PARP10: variants seen among roughly 807,000 people sequenced by gnomAD.
PARP10 encodes protein mono-ADP-ribosyltransferase PARP10.
PARP10 carries 56 observed loss-of-function variants against 82.4 expected under a neutral mutation model. The observed-to-expected ratio is 0.68, with a 90% confidence interval of 0.55 to 0.85. The LOEUF (loss-of-function observed/expected upper bound fraction) is 0.85, where lower values mean the gene tolerates loss of function less well. PARP10 is among the 40% of genes least tolerant of loss of function. The probability of loss-of-function intolerance (pLI) is 0.00; values close to 1 mark genes in which losing one functional copy is unlikely to be tolerated. For missense variants in PARP10, 1,227 were observed against 1,379.4 expected (o/e 0.89, Z 1.75); for synonymous variants, 576 against 601.1 (o/e 0.96, Z 0.61).
chr8:144,007,825 G>T (rs1554752181), intron 1 of PARP10, among the ~76,000 whole-genome samples: 1 of 152,234 alleles, frequency 6.6e-6, no homozygotes, highest in African/African-American at 2.4e-5. Flanking sequence ...CAGGGCCCAT[G>T]GGAGAGCCCA....
Position 143,977,467 on chromosome 8 carries a change from G to T in PARP10, c.*17C>A. The T allele has an allele frequency of 6.6e-7, 1 of 1,524,486 alleles. No homozygotes were observed. The highest frequency in any genetic ancestry group is 8.8e-7 in the Non-Finnish European group (1 of 1,132,064). The allele number at this position is 1,524,486 out of a possible 1,614,324, so 94.4% of individuals were successfully genotyped here. A position where few individuals can be genotyped will look rare whatever the true frequency, so the allele number is the denominator to read the frequency against. On this transcript the variant is annotated 3_prime_UTR_variant, in exon 11 of 11. Coordinates refer to ENST00000313028, the MANE Select transcript of PARP10 (RefSeq NM_032789.5). ...TGGGAGCCTGGGAAGCAGGAGGCCA[G>T]AGGGTGGCCCCTTCGGTTAAGTGTC...
intron 1 of PARP10, among the ~76,000 whole-genome samples, chr8:144,009,297 A>C (rs1834256242): frequency 6.6e-6 from 1 of 152,120 alleles, no homozygotes; most frequent in Non-Finnish European, 1.5e-5. Flanking sequence ...AAGCTGACGC[A>C]CACTTTTTCG....
At chr8:143,991,867 T>C (rs899545636), upstream of PARP10, 1 of 1,610,646 alleles carries the variant, frequency 6.2e-7, no homozygotes, top group Non-Finnish European at 8.5e-7. Flanking sequence ...TCTGAGCGGC[T>C]CCTTCCCCAG....
upstream of PARP10, among the ~76,000 whole-genome samples, chr8:143,996,120 G>T (rs1834163342): frequency 6.6e-6 from 1 of 152,210 alleles, no homozygotes; most frequent in Admixed American, 6.5e-5. Context: ...GCCCCAGGGT[G>T]TGGACGCTCC....
rs1834249956 is a variant in PARP10, at chr8:144,008,522, G to A, written c.-80+4008C>T. ...CAAAAGCAAGTGGGACAACACTGGA[G>A]GTTTGTTCACAGTGAGCCCCTAACG... On this transcript the variant is annotated intron_variant, in intron 1 of 3. Transcript: ENST00000530478. This position sits in a 1 kb window ranked among gnomAD's most constrained non-coding sequence, Gnocchi z 4.0. 1.3e-5 allele frequency among the ~76,000 whole-genome samples: 2 copies of A among 152,216 alleles called. No individual in the cohort carries two copies. The highest frequency in any genetic ancestry group is 6.5e-5 in the Admixed American group (1 of 15,286).
At chr8:143,979,050 G>C (rs1284948930) in intron 9 of PARP10, among the ~76,000 whole-genome samples, 3 of 150,954 alleles carry the variant, frequency 2.0e-5, no homozygotes, top group Non-Finnish European at 2.9e-5. Context: ...TCGGCTCACT[G>C]CAAGCTCCGC....
At chr8:143,992,511 T>C, upstream of PARP10, 2 of 1,614,116 alleles carry the variant, frequency 1.2e-6, no homozygotes, top group East Asian at 2.2e-5. Context: ...CTGGTGAGCA[T>C]GGTGGTGCTC....
chr8:143,998,960 AAAG>A (rs1196660809), intron 1 of PARP10, among the ~76,000 whole-genome samples: 1 of 151,640 alleles, frequency 6.6e-6, no homozygotes, highest in East Asian at 1.9e-4. Context: ...AAAAAAAAAA[AAAG>A]AATCAAATCA....
chr8:144,001,854 C>A (rs1834205281), intron 1 of PARP10, among the ~76,000 whole-genome samples: 1 of 148,636 alleles, frequency 6.7e-6, no homozygotes, highest in African/African-American at 2.6e-5. Context: ...ACAGCAAGAT[C>A]CATCTTTAAA....
intron 1 of PARP10, among the ~76,000 whole-genome samples, chr8:143,997,396 C>T (rs1554751375): frequency 6.6e-6 from 1 of 152,140 alleles, no homozygotes; most frequent in East Asian, 1.9e-4. Flanking sequence ...TCCACAGCTT[C>T]GTGGGAGGAC....
At chr8:144,009,141 G>A (rs1051146465) in intron 1 of PARP10, among the ~76,000 whole-genome samples, 4 of 152,122 alleles carry the variant, frequency 2.6e-5, no homozygotes, top group Admixed American at 6.5e-5. Flanking sequence ...GCACTTCTCC[G>A]TACATCCAAA....
chr8:143,996,567 A>G (rs1389750687), intron 1 of PARP10, among the ~76,000 whole-genome samples: 1 of 152,232 alleles, frequency 6.6e-6, no homozygotes, highest in Admixed American at 6.5e-5. Context: ...GAGTTTTAAC[A>G]TCCAGCCTAG....
chr8:143,986,345 A>AT lies in PARP10; in HGVS notation c.2+12dup. The stretch of plus-strand genomic sequence containing the variant: ...GCTCCCCCATTATGGGTGGCCCCAC[A>AT]TACAGCACTTACATTCCCCGTGGCC... On this transcript the variant is annotated intron_variant, in intron 1 of 10. Transcript: ENST00000313028. The AT allele has an allele frequency of 6.2e-7, 1 of 1,614,098 alleles. No individual in the cohort carries two copies. Among genetic ancestry groups the AT allele is most frequent in the Non-Finnish European group, 8.5e-7 (1 of 1,180,000 alleles).
intron 1 of PARP10, among the ~76,000 whole-genome samples, chr8:144,000,856 G>C (rs2133076253): frequency 6.6e-6 from 1 of 151,998 alleles, no homozygotes; most frequent in South Asian, 2.1e-4. Flanking sequence ...AGACCAGTCT[G>C]GGCAACGTGG....
chr8:144,012,441 C>G, intron 1 of PARP10: 1 of 1,354,168 alleles, frequency 7.4e-7, no homozygotes, highest in South Asian at 1.3e-5. Context: ...TCAGCCCAGG[C>G]AAGGCCTGGG....
At chr8:143,978,740 A>G (rs1350295436) in intron 9 of PARP10, among the ~76,000 whole-genome samples, 1 of 152,118 alleles carries the variant, frequency 6.6e-6, no homozygotes, top group Non-Finnish European at 1.5e-5. Flanking sequence ...CGGAAGAGAA[A>G]GGAACTCCGA....
At chr8:143,990,697 G>C (rs956635215), upstream of PARP10, 1 of 152,094 alleles carries the variant, frequency 6.6e-6, no homozygotes, top group African/African-American at 2.4e-5. The surrounding 1 kb of genome is among the most constrained non-coding windows in gnomAD (Gnocchi z 5.6). Flanking sequence ...TCGCGGGGGT[G>C]GGGGGGCTCG....
At chr8:144,004,982 C>T (rs1301004529) in intron 1 of PARP10, among the ~76,000 whole-genome samples, 2 of 152,076 alleles carry the variant, frequency 1.3e-5, no homozygotes, top group Admixed American at 1.3e-4. Context: ...AGTTCGAGAC[C>T]AGCCTGGCAA....
At chr8:143,990,720 T>A (rs1399992420), upstream of PARP10, 1 of 151,926 alleles carries the variant, frequency 6.6e-6, no homozygotes, top group African/African-American at 2.4e-5. This position sits in a 1 kb window ranked among gnomAD's most constrained non-coding sequence, Gnocchi z 5.6. Flanking sequence ...CCTTTGTTGG[T>A]CACAGATGGC....
Sources: allele counts gnomAD v4.1 joint callset (sites outside exome capture counted in the v4.1 genomes callset), GRCh38; gene constraint gnomAD v4.1.1; non-coding constraint Gnocchi (gnomAD v3.1); transcripts MANE v1.5; gene names NCBI Gene and HGNC (gene_info 2026-07-23, HGNC 2026-07-21).